DIAPH2: variants seen among roughly 807,000 people sequenced by gnomAD.
DIAPH2 encodes the protein protein diaphanous homolog 2.
In DIAPH2, 35 loss-of-function variants were observed where a neutral mutation model predicts 92.7. The ratio of observed to expected loss-of-function variants is 0.38; its 90% CI spans 0.29 to 0.50. The LOEUF (loss-of-function observed/expected upper bound fraction) is 0.50, where lower values mean the gene tolerates loss of function less well. Among genes scored for constraint, DIAPH2 ranks in the 20% least tolerant of loss-of-function variants. DIAPH2 has a pLI of 0.94. For synonymous variants in DIAPH2, 301 were observed against 280.4 expected, an observed-to-expected ratio of 1.07 and a Z score of -0.73; for missense variants, 701 against 819.5, an observed-to-expected ratio of 0.86 and a Z score of 1.77.
intron 23 of DIAPH2, among the ~76,000 whole-genome samples, chrX:97,255,253 T>C (rs957882003): frequency 9.0e-6 from 1 of 111,579 alleles, no homozygotes; most frequent in East Asian, 2.8e-4. Flanking sequence ...CTCTCTCAAA[T>C]GGGAAAAAAA....
At chrX:97,452,744 T>C (rs1783026045) in intron 26 of DIAPH2, among the ~76,000 whole-genome samples, 3 of 112,459 alleles carry the variant, frequency 2.7e-5, no homozygotes, top group African/African-American at 9.7e-5. Flanking sequence ...GACGTAGGCT[T>C]CTGAAGTGTT....
At chrX:97,272,656 TTTAA>T (rs1451765153) in intron 23 of DIAPH2, among the ~76,000 whole-genome samples, 2 of 111,479 alleles carry the variant, frequency 1.8e-5, no homozygotes, top group Non-Finnish European at 3.8e-5. Context: ...TAAACAGCAC[TTTAA>T]TTAAGTTCAT....
At position 97,317,185 on chromosome X, in the gene DIAPH2, G is replaced by GT. The variant is rs1227790597; in HGVS notation, c.2845-30923dup. ...TGAAAATGTTACAATGTCATAATTT[G>GT]TTTTTTTTAGCCCAATCACCACTTT... On this transcript the variant is annotated intron_variant, in intron 23 of 26. Transcript: ENST00000324765. Among the ~76,000 whole-genome samples, 10 of 111,256 alleles carry GT rather than the reference G, an allele frequency of 9.0e-5. No individual in the cohort carries two copies. The East Asian group carries it at 1.7e-3, about 19-fold the overall frequency.
At chrX:96,796,774 T>A (rs1418123988) in intron 4 of DIAPH2, among the ~76,000 whole-genome samples, 1 of 112,056 alleles carries the variant, frequency 8.9e-6, no homozygotes, top group East Asian at 2.8e-4. Context: ...ATATATGTTA[T>A]AGGTCTGACC....
At chrX:96,706,409 G>A (rs1312302040) in intron 1 of DIAPH2, among the ~76,000 whole-genome samples, 1 of 112,223 alleles carries the variant, frequency 8.9e-6, no homozygotes, top group Non-Finnish European at 1.9e-5. Context: ...GAAGCTGGGA[G>A]ACCAGAGAGA....
chrX:97,313,293 G>A (rs1182622004), intron 23 of DIAPH2, among the ~76,000 whole-genome samples: 1 of 111,937 alleles, frequency 8.9e-6, no homozygotes. Context: ...CATCCACATT[G>A]CTGGCAAAAA....
intron 26 of DIAPH2, among the ~76,000 whole-genome samples, chrX:97,442,441 C>T (rs2070269289): frequency 8.9e-6 from 1 of 112,541 alleles, no homozygotes; most frequent in South Asian, 3.7e-4. Flanking sequence ...AAAAGATACT[C>T]AACAGGTTGT....
At chrX:96,831,618 A>C (rs923387457) in intron 4 of DIAPH2, among the ~76,000 whole-genome samples, 1 of 112,665 alleles carries the variant, frequency 8.9e-6, no homozygotes, top group African/African-American at 3.2e-5. Context: ...ATACTTGTAG[A>C]TCAATTGAAT....
intron 5 of DIAPH2, among the ~76,000 whole-genome samples, chrX:96,897,513 A>G (rs1467196910): frequency 9.0e-6 from 1 of 110,903 alleles, no homozygotes; most frequent in East Asian, 2.8e-4. Flanking sequence ...TGCAAAGTGA[A>G]TAGTGAAGCA....
chrX:96,742,855 C>T (rs1401393133), intron 3 of DIAPH2, among the ~76,000 whole-genome samples: 2 of 110,931 alleles, frequency 1.8e-5, no homozygotes, highest in African/African-American at 3.3e-5. Flanking sequence ...TTAGTAGAGA[C>T]GGGGTTTCAC....
intron 24 of DIAPH2, among the ~76,000 whole-genome samples, chrX:97,351,611 C>G (rs886314163): frequency 9.0e-6 from 1 of 110,631 alleles, no homozygotes. Context: ...GTCAAGAGAT[C>G]GAGACCACGG....
Position 96,959,879 on chromosome X carries a change from T to C in DIAPH2, c.1935+1731T>C, listed in dbSNP as rs2065836055. 2.7e-5 allele frequency among the ~76,000 whole-genome samples: 3 copies of C among 111,865 alleles called. No individual in the cohort carries two copies. The South Asian group carries it at 1.1e-3, about 42-fold the overall frequency. The stretch of plus-strand genomic sequence containing the variant: ...CATCATTTATTGAAGAGGGTGTCCT[T>C]TCCCCATTGCATGTTCTTGGTACAT... On this transcript the variant is annotated intron_variant, in intron 16 of 26. Coordinates refer to ENST00000324765, the MANE Select transcript of DIAPH2 (RefSeq NM_006729.5).
At chrX:97,089,270 A>C (rs376643339) in intron 19 of DIAPH2, among the ~76,000 whole-genome samples, 4 of 111,760 alleles carry the variant, frequency 3.6e-5, no homozygotes, top group African/African-American at 9.8e-5. Context: ...GAGCTTCCCT[A>C]AAGGAGAGCT....
At chrX:97,064,513 C>G (rs12007232) in intron 17 of DIAPH2, among the ~76,000 whole-genome samples, 3 of 110,078 alleles carry the variant, frequency 2.7e-5, no homozygotes, top group Non-Finnish European at 5.7e-5. Context: ...ACCCCACCCC[C>G]CTCAACACCA....
At chrX:96,726,783 T>C (rs1050506815) in intron 1 of DIAPH2, among the ~76,000 whole-genome samples, 4 of 112,109 alleles carry the variant, frequency 3.6e-5, no homozygotes, top group African/African-American at 1.3e-4. Context: ...TCCTGATGAG[T>C]AAAACAAGAC....
intron 23 of DIAPH2, among the ~76,000 whole-genome samples, chrX:97,275,412 C>T (rs191236851): frequency 0.012 from 1,263 of 101,637 alleles, 25 homozygotes; most frequent in African/African-American, 0.044. Context: ...GCTGGCCAGG[C>T]GGGGGCTGCC....
chrX:97,406,726 C>T (rs1031541473), intron 25 of DIAPH2, among the ~76,000 whole-genome samples: 4 of 111,347 alleles, frequency 3.6e-5, no homozygotes, highest in Non-Finnish European at 7.5e-5. Flanking sequence ...CTGCAATTTC[C>T]CCCTGTTGAT....
At chrX:97,552,950 A>T (rs1236980920) in intron 26 of DIAPH2, among the ~76,000 whole-genome samples, 2 of 111,270 alleles carry the variant, frequency 1.8e-5, no homozygotes, top group Non-Finnish European at 3.8e-5. Context: ...CCCTAATGTG[A>T]CTATCCCTCT....
chrX:97,160,375 G>A (rs892012036), intron 22 of DIAPH2, among the ~76,000 whole-genome samples: 1 of 112,586 alleles, frequency 8.9e-6, no homozygotes, highest in Non-Finnish European at 1.9e-5. Context: ...GGGGTGGTAA[G>A]TAGAAACCAG....
Sources: gnomAD v4.1 joint callset for allele counts (sites outside exome capture counted in the v4.1 genomes callset) on GRCh38, gnomAD v4.1.1 for gene constraint, MANE v1.5 for transcripts, NCBI Gene and HGNC (gene_info 2026-07-23, HGNC 2026-07-21) for gene names.